The following LRRN1 variants were observed in gnomAD, a reference collection of about 807,000 sequenced individuals.
LRRN1 encodes the protein leucine-rich repeat neuronal protein 1.
Under a neutral mutation model 45.8 loss-of-function variants are expected in LRRN1, and 14 were observed. The ratio of observed to expected loss-of-function variants is 0.31; its 90% CI spans 0.20 to 0.48. The LOEUF is 0.48. LRRN1 is among the 20% of genes least tolerant of loss of function. The pLI is 0.99. For missense variants in LRRN1, 789 were observed against 874.2 expected (o/e 0.90, Z 1.23); for synonymous variants, 359 against 330.1 (o/e 1.09, Z -0.95).
At chr3:3,819,441 G>C (rs1013512280) in intron 1 of LRRN1, among the ~76,000 whole-genome samples, 1 of 152,136 alleles carries the variant, frequency 6.6e-6, no homozygotes, top group African/African-American at 2.4e-5. Flanking sequence ...GTGTCAACAG[G>C]GCCATGCTCC....
intron 1 of LRRN1, among the ~76,000 whole-genome samples, chr3:3,800,192 A>C (rs553709716): frequency 6.7e-6 from 1 of 148,634 alleles, no homozygotes; most frequent in South Asian, 2.1e-4. Context: ...GGCAGGCCAG[A>C]TAGAAACAGG....
rs553846003 is a variant in LRRN1, at chr3:3,841,518, T to G, written c.-278-2846T>G. ...AAATGTTATTCTCTGTGGTATGTTT[T>G]CTTTTCTTTTGTTTTTTTAAGACAG... On this transcript the variant is annotated intron_variant, in intron 1 of 1. Coordinates refer to ENST00000319331, the MANE Select transcript of LRRN1 (RefSeq NM_020873.7). Among the ~76,000 whole-genome samples, 12 of 151,294 alleles carry G rather than the reference T, an allele frequency of 7.9e-5. No individual in the cohort carries two copies. In the East Asian group the frequency reaches 2.3e-3, roughly 29 times the overall value.
At chr3:3,821,637 T>G (rs1428516534) in intron 1 of LRRN1, among the ~76,000 whole-genome samples, 1 of 152,190 alleles carries the variant, frequency 6.6e-6, no homozygotes, top group East Asian at 1.9e-4. Flanking sequence ...GCCTTTCAAC[T>G]GACACTAGAT....
At chr3:3,837,068 CTCACTTTCCTT>C (rs554115447) in intron 1 of LRRN1, among the ~76,000 whole-genome samples, 19 of 152,216 alleles carry the variant, frequency 1.2e-4, no homozygotes, top group African/African-American at 3.9e-4. Context: ...AACAGGAAAC[CTCACTTTCCTT>C]TCACTTTCTC....
At chr3:3,830,303 T>A (rs1016401141) in intron 1 of LRRN1, among the ~76,000 whole-genome samples, 1 of 152,192 alleles carries the variant, frequency 6.6e-6, no homozygotes, top group Non-Finnish European at 1.5e-5. Context: ...AATTTTCCAA[T>A]CATGTTTCTT....
At chr3:3,803,067 C>A (rs1682914) in intron 1 of LRRN1, among the ~76,000 whole-genome samples, 113,234 of 152,156 alleles carry the variant, frequency 0.74, 45,143 homozygotes, top group Non-Finnish European at 0.9. Flanking sequence ...GTTTCTAAAA[C>A]ATAACCTCAG....
intron 1 of LRRN1, among the ~76,000 whole-genome samples, chr3:3,838,345 A>G (rs1693570997): frequency 6.6e-6 from 1 of 152,200 alleles, no homozygotes; most frequent in South Asian, 2.1e-4. Flanking sequence ...GCACAGGCAA[A>G]ATCACCAAAA....
chr3:3,842,274 T>C (rs1364300979), intron 1 of LRRN1, among the ~76,000 whole-genome samples: 1 of 151,944 alleles, frequency 6.6e-6, no homozygotes, highest in Non-Finnish European at 1.5e-5. Flanking sequence ...GACTTGGAGA[T>C]GGGGAGGAGG....
rs556516100 is a variant in LRRN1, at chr3:3,848,645, A to G, written c.*1853A>G. 6.6e-6 allele frequency among the ~76,000 whole-genome samples: 1 copy of G among 152,216 alleles called. No homozygotes were observed. The highest frequency in any genetic ancestry group is 1.9e-4 in the East Asian group (1 of 5,198). On this transcript the variant is annotated 3_prime_UTR_variant, in exon 2 of 2. Transcript: ENST00000319331. ...CAGATCTTGAAACAAATGAGCTGCA[A>G]CAGAAAAATAAGTACCTGAGCTCGA...
At chr3:3,838,026 G>A (rs959457574) in intron 1 of LRRN1, among the ~76,000 whole-genome samples, 1 of 152,008 alleles carries the variant, frequency 6.6e-6, no homozygotes, top group Non-Finnish European at 1.5e-5. Flanking sequence ...GAGGATAATG[G>A]CTGCCAGCTT....
chr3:3,826,613 T>C (rs533232424), intron 1 of LRRN1, among the ~76,000 whole-genome samples: 2 of 152,090 alleles, frequency 1.3e-5, no homozygotes, highest in East Asian at 3.9e-4. Context: ...CTTAATGCAT[T>C]ACGGAGACTA....
Position 3,845,178 on chromosome 3 carries a change from G to C in LRRN1, c.537G>C (p.Leu179Phe), listed in dbSNP as rs758776069. Residue 179 changes from leucine to phenylalanine, a missense_variant, in exon 2 of 2, where the codon TTG becomes TTC. Coordinates refer to ENST00000319331, the MANE Select transcript of LRRN1 (RefSeq NM_020873.7). The surrounding 1 kb of genome is among the most constrained non-coding windows in gnomAD (Gnocchi z 6.5). ...GGCTCCACCTGAACTCCAACAAATT[G>C]AAAGTTATTGATAGTCGCTGGTTTG... ...LLRLHLNSNK[L>F]KVIDSRWFDS... 12 of 1,614,002 alleles carry C rather than the reference G, an allele frequency of 7.4e-6. No homozygotes were observed. Among genetic ancestry groups the C allele is most frequent in the African/African-American group, 1.3e-5 (1 of 74,908 alleles).
chr3:3,816,847 G>A lies in LRRN1; in HGVS notation c.-279+16928G>A, dbSNP rs1399603170. ...AGGTGGTATCACAGAAAGGCCCTGT[G>A]CAACGAACTTGACTTTAACTTCAGC... is the stretch of plus-strand genomic sequence containing the variant. On this transcript the variant is annotated intron_variant, in intron 1 of 1. Transcript: ENST00000319331. This position sits in a 1 kb window ranked among gnomAD's most constrained non-coding sequence, Gnocchi z 4.0. Among the ~76,000 whole-genome samples, 1 of 152,158 alleles carries A rather than the reference G, an allele frequency of 6.6e-6. No individual in the cohort carries two copies. Among genetic ancestry groups the A allele is most frequent in the African/African-American group, 2.4e-5 (1 of 41,420 alleles).
intron 1 of LRRN1, among the ~76,000 whole-genome samples, chr3:3,834,940 C>A (rs1434065950): frequency 6.6e-6 from 1 of 152,134 alleles, no homozygotes; most frequent in Non-Finnish European, 1.5e-5. Flanking sequence ...ACAGACACAA[C>A]CGGGGTTAAT....
chr3:3,809,458 A>G (rs1001114118), intron 1 of LRRN1, among the ~76,000 whole-genome samples: 1 of 152,204 alleles, frequency 6.6e-6, no homozygotes, highest in African/African-American at 2.4e-5. Flanking sequence ...AAAGTATTGA[A>G]TGATTTTTAT....
At chr3:3,809,238 G>A (rs926244121) in intron 1 of LRRN1, among the ~76,000 whole-genome samples, 4 of 152,102 alleles carry the variant, frequency 2.6e-5, no homozygotes, top group African/African-American at 4.8e-5. Flanking sequence ...CTGCCTCCGG[G>A]GTTCAAGCAA....
rs77083558 is a variant in LRRN1, at chr3:3,837,729, ATT to A, written c.-278-6625_-278-6624del. On this transcript the variant is annotated intron_variant, in intron 1 of 1. Coordinates refer to ENST00000319331, the MANE Select transcript of LRRN1 (RefSeq NM_020873.7). Reference sequence around the variant, plus strand: ...TTTTCTTTTTTTTTAATTAATTTTAATTTTTTTTTTTAAAGCTCCAGGGTACC... The same window carrying A: ...TTTTCTTTTTTTTTAATTAATTTTAATTTTTTTTTAAAGCTCCAGGGTACC... Among the ~76,000 whole-genome samples, 112 of 148,022 alleles carry A rather than the reference ATT, an allele frequency of 7.6e-4. 1 individual carries two copies. Among genetic ancestry groups the A allele is most frequent in the African/African-American group, 2.6e-3 (105 of 40,288 alleles).
chr3:3,813,859 C>T (rs1477947635), intron 1 of LRRN1, among the ~76,000 whole-genome samples: 1 of 152,104 alleles, frequency 6.6e-6, no homozygotes, highest in African/African-American at 2.4e-5. Context: ...ACTCCAGCCT[C>T]TCTTTTCCCA....
chr3:3,841,694 T>G (rs1300426700), intron 1 of LRRN1, among the ~76,000 whole-genome samples: 1 of 152,060 alleles, frequency 6.6e-6, no homozygotes, highest in Admixed American at 6.5e-5. Context: ...AATTTTTATA[T>G]TTTTAGTAGA....
Sources: gnomAD v4.1 joint callset for allele counts (sites outside exome capture counted in the v4.1 genomes callset) on GRCh38, gnomAD v4.1.1 for gene constraint, Gnocchi (gnomAD v3.1) non-coding constraint, MANE v1.5 for transcripts, NCBI Gene and HGNC (gene_info 2026-07-23, HGNC 2026-07-21) for gene names.